Variants in AK5 observed in about 807,000 individuals in gnomAD.
AK5 encodes adenylate kinase 5, also known as adenylate kinase isoenzyme 5.
In AK5, 27 loss-of-function variants were observed where a neutral mutation model predicts 69.5. The observed-to-expected ratio is 0.39, with a 90% CI of 0.29 to 0.54. AK5 has a LOEUF of 0.54. Among genes scored for constraint, AK5 ranks in the 20% least tolerant of loss-of-function variants. The pLI, the probability that AK5 is intolerant of heterozygous loss-of-function variation, is 0.71. For synonymous variants in AK5, 260 were observed against 244.4 expected (o/e 1.06, Z -0.60); for missense variants, 531 against 700.4 (o/e 0.76, Z 2.73).
intron 5 of AK5, among the ~76,000 whole-genome samples, chr1:77,304,894 G>GT (rs1343593463): frequency 8.5e-5 from 13 of 152,260 alleles, no homozygotes; most frequent in African/African-American, 2.6e-4. Context: ...TTCATTTTTA[G>GT]TTTTTTGAGG....
chr1:77,340,656 T>C (rs1661608208), intron 6 of AK5, 88 bp downstream of exon 6: 1 of 1,290,392 alleles, frequency 7.7e-7, no homozygotes, highest in Non-Finnish European at 1.1e-6. Context: ...AAATCCTCTT[T>C]ACCTTAAAAA....
At chr1:77,362,543 G>T (rs1202993364) in intron 6 of AK5, among the ~76,000 whole-genome samples, 1 of 152,012 alleles carries the variant, frequency 6.6e-6, no homozygotes, top group Admixed American at 6.6e-5. Flanking sequence ...AAACCCAAAA[G>T]ATTATAAATA....
At chr1:77,421,109 T>C (rs1432195781) in intron 8 of AK5, among the ~76,000 whole-genome samples, 1 of 152,238 alleles carries the variant, frequency 6.6e-6, no homozygotes, top group Non-Finnish European at 1.5e-5. Context: ...GGATTTGACC[T>C]GCAGGCCATA....
intron 10 of AK5, among the ~76,000 whole-genome samples, chr1:77,503,101 G>T (rs1417137154): frequency 6.6e-6 from 1 of 152,148 alleles, no homozygotes; most frequent in Non-Finnish European, 1.5e-5. Context: ...TTTCTGTCTG[G>T]TGTCCTAGGC....
intron 13 of AK5, among the ~76,000 whole-genome samples, chr1:77,543,193 A>G (rs1659369144): frequency 1.3e-5 from 2 of 152,234 alleles, no homozygotes; most frequent in Non-Finnish European, 2.9e-5. Flanking sequence ...TTACTGAGGA[A>G]AGTGGAAGCA....
intron 8 of AK5, among the ~76,000 whole-genome samples, chr1:77,473,887 C>A (rs1281976462): frequency 1.3e-5 from 2 of 152,168 alleles, no homozygotes; most frequent in African/African-American, 4.8e-5. Flanking sequence ...GCTCTTCTTA[C>A]CACTCACACA....
At chr1:77,283,147 G>T (rs1032696153) in intron 1 of AK5, 2 of 985,724 alleles carry the variant, frequency 2.0e-6, no homozygotes, top group African/African-American at 1.7e-5. Context: ...GGGACACTTG[G>T]AGACTGAGAG....
intron 12 of AK5, among the ~76,000 whole-genome samples, chr1:77,527,663 A>G (rs1233454901): frequency 6.6e-6 from 1 of 152,274 alleles, no homozygotes; most frequent in African/African-American, 2.4e-5. Context: ...CAAGAGTGAC[A>G]TTGATTTGTC....
At chr1:77,347,641 T>G (rs1444184008) in intron 6 of AK5, among the ~76,000 whole-genome samples, 1 of 152,166 alleles carries the variant, frequency 6.6e-6, no homozygotes, top group East Asian at 1.9e-4. Flanking sequence ...CTTTCAATCT[T>G]TTGGATAGAA....
rs139408597 is a variant in AK5, at chr1:77,434,311, A to G, written c.1059+16596A>G. ...ATAACATACTCATAAATGTAACTGA[A>G]AAAAGATCTAGCATCACTTATCGTT... On this transcript the variant is annotated intron_variant, in intron 8 of 13. Coordinates refer to ENST00000354567, the MANE Select transcript of AK5 (RefSeq NM_174858.3). 4.2e-3 allele frequency among the ~76,000 whole-genome samples: 646 copies of G among 152,118 alleles called. 4 individuals carry two copies. Among genetic ancestry groups the G allele is most frequent in the African/African-American group, 0.015 (619 of 41,560 alleles).
chr1:77,466,542 T>G (rs975256326), intron 8 of AK5, among the ~76,000 whole-genome samples: 5 of 151,850 alleles, frequency 3.3e-5, no homozygotes, highest in Non-Finnish European at 7.4e-5. Context: ...TTAACAAGAG[T>G]CCAAAGCAGA....
intron 6 of AK5, among the ~76,000 whole-genome samples, chr1:77,367,761 A>G (rs1178972230): frequency 1.1e-4 from 2 of 18,408 alleles, no homozygotes; most frequent in African/African-American, 2.7e-4. Flanking sequence ...TATGTTATAT[A>G]TAATATATGT....
intron 6 of AK5, among the ~76,000 whole-genome samples, chr1:77,365,832 G>A (rs868534591): frequency 2.0e-4 from 30 of 152,334 alleles, no homozygotes; most frequent in Admixed American, 2.0e-4. Context: ...ATGTTTCCAA[G>A]AGGTTTCTTT....
intron 1 of AK5, among the ~76,000 whole-genome samples, chr1:77,284,064 C>T (rs1258983069): frequency 1.3e-5 from 2 of 152,126 alleles, no homozygotes; most frequent in Non-Finnish European, 2.9e-5. Context: ...ATTTACTTTT[C>T]TGCATATGAA....
intron 12 of AK5, among the ~76,000 whole-genome samples, chr1:77,532,893 C>T (rs1237531013): frequency 6.6e-6 from 1 of 152,208 alleles, no homozygotes; most frequent in Non-Finnish European, 1.5e-5. Flanking sequence ...ATGTTGAAGA[C>T]TAACCACAGT....
In AK5 at chr1:77,282,147, G is replaced by T. The variant is rs963830609; in HGVS notation, c.-167G>T. ...GAGACCACAGCCCCCGGGGAGAGGC[G>T]GAGGGGGTCCCTGGCCTGGGCGGAG... On this transcript the variant is annotated 5_prime_UTR_variant, in exon 1 of 14. Coordinates refer to ENST00000354567, the MANE Select transcript of AK5 (RefSeq NM_174858.3). 25 of 516,074 alleles carry T rather than the reference G, an allele frequency of 4.8e-5. No individual in the cohort carries two copies. In the Admixed American group the frequency reaches 7.8e-4, roughly 16 times the overall value. The allele number at this position is 516,074 out of a possible 1,614,324, so 32.0% of individuals were successfully genotyped here.
chr1:77,286,061 G>A (rs770323286), intron 1 of AK5, among the ~76,000 whole-genome samples: 2 of 152,094 alleles, frequency 1.3e-5, no homozygotes, highest in Non-Finnish European at 2.9e-5. Flanking sequence ...CACAGAAGAA[G>A]GGGTTCACAG....
chr1:77,507,875 T>TACAGC (rs1487120902), intron 10 of AK5, among the ~76,000 whole-genome samples: 4 of 152,218 alleles, frequency 2.6e-5, no homozygotes, highest in Non-Finnish European at 5.9e-5. Context: ...ATTATGAAAA[T>TACAGC]ATTTCAAACA....
chr1:77,376,706 C>T (rs983761882), intron 6 of AK5, among the ~76,000 whole-genome samples: 6 of 151,968 alleles, frequency 3.9e-5, no homozygotes, highest in African/African-American at 1.2e-4. Context: ...TTTGGGAAGA[C>T]GAGGTGAGAG....
Sources: gnomAD v4.1 joint callset for allele counts (sites outside exome capture counted in the v4.1 genomes callset) on GRCh38, gnomAD v4.1.1 for gene constraint, MANE v1.5 for transcripts, NCBI Gene and HGNC (gene_info 2026-07-23, HGNC 2026-07-21) for gene names.